Variants in AMZ1 observed in about 807,000 individuals in gnomAD.
AMZ1 encodes the protein archaelysin family metallopeptidase 1, also known as archaemetzincin-1.
Under a neutral mutation model 29.9 loss-of-function variants are expected in AMZ1, and 39 were observed. The ratio of observed to expected loss-of-function variants is 1.30; its 90% CI spans 1.01 to 1.70. AMZ1 has a LOEUF of 1.70. Ranked by LOEUF, AMZ1 falls within the 40% of genes most tolerant of loss-of-function variation. The pLI, the probability that AMZ1 is intolerant of heterozygous loss-of-function variation, is 0.00. For synonymous variants in AMZ1, 458 were observed against 304.0 expected, an observed-to-expected ratio of 1.51 and a Z score of -5.27; for missense variants, 1,041 against 680.6, an observed-to-expected ratio of 1.53 and a Z score of -5.89.
intron 4 of AMZ1, among the ~76,000 whole-genome samples, chr7:2,734,370 A>G (rs748547035): frequency 6.6e-5 from 10 of 152,236 alleles, no homozygotes; most frequent in Non-Finnish European, 1.2e-4. Flanking sequence ...CTCTAAAGAC[A>G]GACACCAGCA....
intron 4 of AMZ1, among the ~76,000 whole-genome samples, chr7:2,755,345 G>T (rs1266138197): frequency 7.2e-5 from 11 of 152,228 alleles, no homozygotes; most frequent in Admixed American, 6.5e-4. Context: ...ATCAATCAGG[G>T]GAGAACAGAC....
At chr7:2,752,406 CT>C (rs554871963) in intron 4 of AMZ1, among the ~76,000 whole-genome samples, 12 of 152,288 alleles carry the variant, frequency 7.9e-5, no homozygotes, top group African/African-American at 2.9e-4. Flanking sequence ...ACTTTTACTG[CT>C]TCTGGTCAAT....
intron 4 of AMZ1, among the ~76,000 whole-genome samples, chr7:2,725,180 T>C (rs141399565): frequency 9.5e-4 from 144 of 152,260 alleles, no homozygotes; most frequent in African/African-American, 3.3e-3. Flanking sequence ...ACTAGTTCAG[T>C]GGGATGTGGA....
rs1050542651 is a variant in AMZ1, at chr7:2,717,995, C to G, written c.*5117C>G. On this transcript the variant is annotated 3_prime_UTR_variant, in exon 7 of 7. Transcript: ENST00000683327. ...GAGCAAACACGGCGGCCCCTGCCTC[C>G]CCCGGCGGCTCCACAATGGCCCTCA... is the stretch of plus-strand genomic sequence containing the variant. Among the ~76,000 whole-genome samples the G allele has an allele frequency of 4.6e-5, 7 of 152,204 alleles. No individual in the cohort carries two copies. The highest frequency in any genetic ancestry group is 1.0e-4 in the Non-Finnish European group (7 of 68,038).
Position 2,708,748 on chromosome 7 carries a change from G to A in AMZ1, c.601+32G>A, listed in dbSNP as rs754714883. 2.5e-6 allele frequency: 4 copies of A among 1,610,782 alleles called. No homozygotes were observed. The African/African-American group carries it at 4.0e-5, about 16-fold the overall frequency. On this transcript the variant is annotated intron_variant, in intron 4 of 6. Coordinates refer to ENST00000683327, the MANE Select transcript of AMZ1 (RefSeq NM_001384743.1). ...CGGGGCCCCAGCAGCTGTGCGTGGG[G>A]GGTAGCCTGGCATGGGGCTGTGGCC...
At position 2,702,895 on chromosome 7, in the gene AMZ1, T is replaced by G; in HGVS notation, c.472+6T>G. On this transcript the variant is annotated splice_donor_region_variant and intron_variant, in intron 3 of 6. Coordinates refer to ENST00000683327, the MANE Select transcript of AMZ1 (RefSeq NM_001384743.1). ...CAGGCTCCAGCTCCACACAGGTGAG[T>G]GAGGACGGCAGCCGCCGCTCAGGCC... 1 of 1,578,656 alleles carries G rather than the reference T, an allele frequency of 6.3e-7. No individual in the cohort carries two copies. Among genetic ancestry groups the G allele is most frequent in the Non-Finnish European group, 8.6e-7 (1 of 1,169,214 alleles).
At chr7:2,722,457 G>C (rs1054962554), downstream of AMZ1, among the ~76,000 whole-genome samples, 14 of 152,082 alleles carry the variant, frequency 9.2e-5, no homozygotes, top group African/African-American at 3.4e-4. Flanking sequence ...TATTTCAGCA[G>C]AGACGGGGTT....
chr7:2,752,498 G>A (rs1483401865), intron 4 of AMZ1, among the ~76,000 whole-genome samples: 1 of 152,154 alleles, frequency 6.6e-6, no homozygotes, highest in Non-Finnish European at 1.5e-5. Context: ...GGACTGGAAA[G>A]CAAGAAATAA....
At chr7:2,681,472 G>A (rs1583126472) in intron 1 of AMZ1, among the ~76,000 whole-genome samples, 1 of 152,022 alleles carries the variant, frequency 6.6e-6, no homozygotes, top group East Asian at 1.9e-4. Flanking sequence ...TCCTGCCCAG[G>A]CTGCTCTCAA....
In AMZ1 at chr7:2,709,731, C is replaced by T. The variant is rs142965094; in HGVS notation, c.863C>T (p.Ala288Val). Residue 288 changes from alanine (A) to valine (V), a missense_variant, in exon 6 of 7, where the codon GCC becomes GTC. Coordinates refer to ENST00000683327, the MANE Select transcript of AMZ1 (RefSeq NM_001384743.1). ...CAGGGTGCGCTCAGCCTGGACGAGG[C>T]CCTGCGGCGGCCCCTGGACCTCTGT... ...LMQGALSLDE[A>V]LRRPLDLCPI... The T allele has an allele frequency of 2.5e-5, 40 of 1,611,414 alleles. No individual in the cohort carries two copies. The East Asian group carries it at 8.2e-4, about 33-fold the overall frequency.
upstream of AMZ1, chr7:2,762,535 C>T (rs760646219): frequency 1.4e-4 from 170 of 1,212,314 alleles, no homozygotes; most frequent in Non-Finnish European, 1.8e-4. Context: ...AGTTCCACCA[C>T]GCCTTCTATT....
upstream of AMZ1, chr7:2,762,971 T>C: frequency 7.4e-7 from 1 of 1,352,498 alleles, no homozygotes; most frequent in African/African-American, 1.5e-5. Context: ...CTCCTGCTCC[T>C]CAGAAAGAGC....
At chr7:2,694,460 T>A (rs1197845535) in intron 1 of AMZ1, among the ~76,000 whole-genome samples, 1 of 152,000 alleles carries the variant, frequency 6.6e-6, no homozygotes. Flanking sequence ...TCATAATAAA[T>A]CCTTATTTTA....
At chr7:2,722,865 C>T (rs1789479132), downstream of AMZ1, among the ~76,000 whole-genome samples, 1 of 152,026 alleles carries the variant, frequency 6.6e-6, no homozygotes, top group African/African-American at 2.4e-5. Context: ...GTGGTCCCAG[C>T]TACTTGGAAG....
chr7:2,745,319 T>A (rs1238403718), intron 4 of AMZ1, among the ~76,000 whole-genome samples: 2 of 152,246 alleles, frequency 1.3e-5, no homozygotes, highest in Non-Finnish European at 2.9e-5. Context: ...ACAGCTGATC[T>A]CTTGGCAGAA....
At chr7:2,695,147 C>T (rs1449913382) in intron 1 of AMZ1, among the ~76,000 whole-genome samples, 1 of 152,204 alleles carries the variant, frequency 6.6e-6, no homozygotes, top group Non-Finnish European at 1.5e-5. Context: ...GACTTGCCCA[C>T]TACGGCCCTT....
downstream of AMZ1, among the ~76,000 whole-genome samples, chr7:2,723,525 A>C (rs550810127): frequency 3.8e-4 from 58 of 152,308 alleles, 1 homozygote; most frequent in Admixed American, 2.4e-3. Flanking sequence ...CATCACCCCG[A>C]GGCTGCGGGA....
intron 4 of AMZ1, among the ~76,000 whole-genome samples, chr7:2,754,142 T>C (rs980579801): frequency 1.3e-5 from 2 of 152,172 alleles, no homozygotes; most frequent in Admixed American, 1.3e-4. Flanking sequence ...TTATTTTCAC[T>C]ATTTTCTATT....
intron 4 of AMZ1, among the ~76,000 whole-genome samples, chr7:2,753,666 G>A (rs1420328325): frequency 6.6e-6 from 1 of 152,196 alleles, no homozygotes; most frequent in East Asian, 1.9e-4. Context: ...CAGGTGTGGT[G>A]TGGATGTAAG....
Sources: allele counts gnomAD v4.1 joint callset (sites outside exome capture counted in the v4.1 genomes callset), GRCh38; gene constraint gnomAD v4.1.1; transcripts MANE v1.5; gene names NCBI Gene and HGNC (gene_info 2026-07-23, HGNC 2026-07-21).